SLC30A4: variants seen among roughly 807,000 people sequenced by gnomAD.
SLC30A4 encodes solute carrier family 30 member 4.
A neutral mutation model predicts 41.7 loss-of-function variants in SLC30A4; 20 were observed. The ratio of observed to expected loss-of-function variants is 0.48; its 90% CI spans 0.34 to 0.70. The LOEUF (loss-of-function observed/expected upper bound fraction) is 0.70. Among genes scored for constraint, SLC30A4 ranks in the 30% least tolerant of loss-of-function variants. The pLI is 0.01. For synonymous variants in SLC30A4, 181 were observed against 195.9 expected (o/e 0.92, Z 0.64); for missense variants, 441 against 529.3 (o/e 0.83, Z 1.64).
chr15:45,487,123 G>A (rs1336093258), intron 6 of SLC30A4, among the ~76,000 whole-genome samples: 1 of 152,018 alleles, frequency 6.6e-6, no homozygotes, highest in African/African-American at 2.4e-5. Context: ...TATCAGTAAG[G>A]GAAGAATGCA....
chr15:45,486,494 T>C, intron 7 of SLC30A4, 117 bp downstream of exon 7: 1 of 962,456 alleles, frequency 1.0e-6, no homozygotes, highest in Non-Finnish European at 1.5e-6. Flanking sequence ...AAGGCTTTTG[T>C]CTTAAAACAA....
intron 5 of SLC30A4, 25 bp downstream of exon 5, chr15:45,488,816 A>C: frequency 6.3e-7 from 1 of 1,588,640 alleles, no homozygotes; most frequent in Non-Finnish European, 8.6e-7. Context: ...ACATTTTAAA[A>C]TAGAAAAATT....
In SLC30A4 at chr15:45,481,603, T is replaced by C. The variant is rs1208064875; in HGVS notation, c.*3560A>G. ...TCCCAGTGCAAAATTAATAATGCTA[T>C]GTGTTCATCCAACTCAGCCACTGCT... is the stretch of plus-strand genomic sequence containing the variant. On this transcript the variant is annotated 3_prime_UTR_variant, in exon 8 of 8. Coordinates refer to ENST00000261867, the MANE Select transcript of SLC30A4 (RefSeq NM_013309.6). 3.3e-5 allele frequency: 5 copies of C among 152,222 alleles called. No individual in the cohort carries two copies. Among genetic ancestry groups the C allele is most frequent in the Non-Finnish European group, 7.3e-5 (5 of 68,036 alleles). The allele number at this position is 152,222 out of a possible 1,614,324, so 9.4% of individuals were successfully genotyped here.
At chr15:45,501,190 C>T (rs1046844529) in intron 3 of SLC30A4, among the ~76,000 whole-genome samples, 5 of 151,770 alleles carry the variant, frequency 3.3e-5, no homozygotes, top group Non-Finnish European at 7.4e-5. Flanking sequence ...CGCCTGTAGT[C>T]CCAGCTACTC....
intron 3 of SLC30A4, among the ~76,000 whole-genome samples, chr15:45,500,175 G>C (rs951881042): frequency 2.0e-5 from 3 of 152,162 alleles, no homozygotes; most frequent in African/African-American, 7.2e-5. Context: ...CATCTTGAGA[G>C]ATATGAAAAA....
intron 2 of SLC30A4, among the ~76,000 whole-genome samples, chr15:45,520,124 TA>T (rs1207035055): frequency 1.3e-5 from 2 of 152,092 alleles, no homozygotes; most frequent in African/African-American, 4.8e-5. Context: ...AATGAGTAAA[TA>T]AATAAGATAT....
intron 3 of SLC30A4, among the ~76,000 whole-genome samples, chr15:45,496,282 A>C (rs1891905183): frequency 6.6e-6 from 1 of 152,176 alleles, no homozygotes. Context: ...AACATGATGG[A>C]ATGCAGATAA....
At chr15:45,516,352 G>A (rs1190974077) in intron 2 of SLC30A4, among the ~76,000 whole-genome samples, 2 of 152,110 alleles carry the variant, frequency 1.3e-5, no homozygotes, top group Admixed American at 1.3e-4. Flanking sequence ...TTCTCTATAT[G>A]ATTCTGATGC....
At chr15:45,516,573 T>C (rs564836241) in intron 2 of SLC30A4, among the ~76,000 whole-genome samples, 17 of 152,306 alleles carry the variant, frequency 1.1e-4, no homozygotes, top group African/African-American at 3.6e-4. Flanking sequence ...AAAAAATCTC[T>C]TTATTGTATA....
chr15:45,509,248 CT>C (rs879266404), intron 3 of SLC30A4, among the ~76,000 whole-genome samples: 2,832 of 133,258 alleles, frequency 0.021, 17 homozygotes, highest in Middle Eastern at 0.035. Flanking sequence ...GGAACACATT[CT>C]TTTTTTTTTT....
chr15:45,499,501 G>A (rs777545285), intron 3 of SLC30A4, among the ~76,000 whole-genome samples: 1 of 151,918 alleles, frequency 6.6e-6, no homozygotes, highest in Non-Finnish European at 1.5e-5. Context: ...TCAGCCCACC[G>A]TCTGGAAAAA....
chr15:45,486,567 G>A, intron 7 of SLC30A4, 44 bp downstream of exon 7: 1 of 1,511,878 alleles, frequency 6.6e-7, no homozygotes, highest in South Asian at 1.4e-5. Flanking sequence ...TTCAAAGGCA[G>A]AAGTCCACCA....
chr15:45,506,654 T>C (rs1892161061), intron 3 of SLC30A4, among the ~76,000 whole-genome samples: 1 of 152,172 alleles, frequency 6.6e-6, no homozygotes, highest in Non-Finnish European at 1.5e-5. Flanking sequence ...GCAGAATAAG[T>C]GAAATAAGGT....
intron 3 of SLC30A4, among the ~76,000 whole-genome samples, chr15:45,494,927 G>C (rs1324787882): frequency 6.6e-6 from 1 of 152,000 alleles, no homozygotes; most frequent in African/African-American, 2.4e-5. Flanking sequence ...GGGAAGCTGA[G>C]GGGGGAGGAT....
At position 45,497,651 on chromosome 15, in the gene SLC30A4, G is replaced by C. The variant is rs528627177; in HGVS notation, c.539-6770C>G. On this transcript the variant is annotated intron_variant, in intron 3 of 7. Transcript: ENST00000261867. ...AAAAAAATAAATAGGAGAAAACATA[G>C]ATGATTATCAAGTTTTAATAGTACT... 1.2e-4 allele frequency among the ~76,000 whole-genome samples: 19 copies of C among 152,194 alleles called. No individual in the cohort carries two copies. The South Asian group carries it at 3.9e-3, about 32-fold the overall frequency.
intron 5 of SLC30A4, among the ~76,000 whole-genome samples, chr15:45,487,988 T>C (rs1404476094): frequency 1.3e-5 from 2 of 151,094 alleles, no homozygotes; most frequent in Admixed American, 1.3e-4. Context: ...TGTGTGTGTG[T>C]GTGTGTGTGT....
rs1184676579 is a variant in SLC30A4, at chr15:45,486,705, G to C, written c.1041C>G (p.Ala347=). The C allele has an allele frequency of 6.3e-7, 1 of 1,590,048 alleles. No homozygotes were observed. ...AATATACATCTTCTATTTTCATCAA[G>C]GCTTCTTTGATATAGTCTACATTCA... The part of the protein sequence containing the change: ...SHLNVDYIKE[A]LMKIEDVYSV... Residue 347 remains alanine, a synonymous_variant, in exon 7 of 8, where the codon GCC becomes GCG. Coordinates refer to ENST00000261867, the MANE Select transcript of SLC30A4 (RefSeq NM_013309.6).
intron 2 of SLC30A4, chr15:45,519,728 G>C (rs947013763): frequency 6.6e-6 from 1 of 152,188 alleles, no homozygotes; most frequent in East Asian, 1.9e-4. Flanking sequence ...GAAGTGAGAA[G>C]TCAAGACAAT....
intron 5 of SLC30A4, among the ~76,000 whole-genome samples, chr15:45,487,981 G>C (rs1467258525): frequency 1.3e-5 from 2 of 150,644 alleles, no homozygotes; most frequent in African/African-American, 4.9e-5. Context: ...GTGTGTGTGT[G>C]TGTGTGTGTG....
Sources: gnomAD v4.1 joint callset for allele counts (sites outside exome capture counted in the v4.1 genomes callset) on GRCh38, gnomAD v4.1.1 for gene constraint, MANE v1.5 for transcripts, NCBI Gene and HGNC (gene_info 2026-07-23, HGNC 2026-07-21) for gene names.